The following DOCK3 variants were observed in gnomAD, a reference collection of about 807,000 sequenced individuals.
DOCK3 encodes dedicator of cytokinesis 3, also known as dedicator of cytokinesis protein 3.
In DOCK3, 60 loss-of-function variants were observed where a neutral mutation model predicts 265.6. That is an observed-to-expected ratio of 0.23 (90% CI 0.18 to 0.28). DOCK3 has a LOEUF of 0.28. Ranked by LOEUF, DOCK3 falls within the 10% of genes least tolerant of loss-of-function variation. The probability of loss-of-function intolerance (pLI) is 1.00; values close to 1 mark genes in which losing one functional copy is unlikely to be tolerated. For synonymous variants in DOCK3, 881 were observed against 938.0 expected (o/e 0.94, Z 1.11); for missense variants, 1,981 against 2,594.3 (o/e 0.76, Z 5.14).
rs1304470925 is a variant in DOCK3 at position 50,900,816 on chromosome 3, G to T, written c.218+10735G>T. 6 of 414,662 alleles carry T rather than the reference G, an allele frequency of 1.4e-5. No homozygotes were observed. In the Admixed American group the frequency reaches 1.7e-4, roughly 11 times the overall value. The allele number at this position is 414,662 out of a possible 1,614,324, so 25.7% of individuals were successfully genotyped here. On this transcript the variant is annotated intron_variant, in intron 4 of 52. Transcript: ENST00000266037. ...TGCCTGGGTATCACCAGCGGAGGCT[G>T]CAGAACAGCAAAGATTGCTGCCCTC...
chr3:50,816,175 C>T (rs1452711035), intron 2 of DOCK3, among the ~76,000 whole-genome samples: 1 of 152,052 alleles, frequency 6.6e-6, no homozygotes, highest in Non-Finnish European at 1.5e-5. Context: ...TTCATAATTT[C>T]ATCTAACAGG....
chr3:51,012,500 G>A (rs2078992748), intron 5 of DOCK3, among the ~76,000 whole-genome samples: 1 of 152,174 alleles, frequency 6.6e-6, no homozygotes, highest in Admixed American at 6.5e-5. Context: ...TTGGAAAAGT[G>A]CAGTATTAGG....
chr3:50,933,575 G>T (rs1043191397), intron 4 of DOCK3, among the ~76,000 whole-genome samples: 7 of 151,778 alleles, frequency 4.6e-5, no homozygotes, highest in African/African-American at 1.7e-4. Flanking sequence ...CATTTTTCCA[G>T]ATTTTTTTTT....
intron 4 of DOCK3, among the ~76,000 whole-genome samples, chr3:50,919,366 A>G (rs993796642): frequency 3.3e-5 from 5 of 152,114 alleles, no homozygotes; most frequent in African/African-American, 1.2e-4. Flanking sequence ...TTTTTACGAT[A>G]TGATTCTTCC....
At chr3:51,182,500 A>G (rs6772664) in intron 12 of DOCK3, among the ~76,000 whole-genome samples, 138,882 of 152,270 alleles carry the variant, frequency 0.91, 63,477 homozygotes, top group African/African-American at 0.96. Flanking sequence ...TCCTGCCATA[A>G]TCAGGTTCCC....
At chr3:50,986,099 T>C (rs530371792) in intron 5 of DOCK3, among the ~76,000 whole-genome samples, 1 of 152,280 alleles carries the variant, frequency 6.6e-6, no homozygotes, top group East Asian at 1.9e-4. Context: ...GTTGATTTGA[T>C]TCAGTTTCTA....
intron 5 of DOCK3, among the ~76,000 whole-genome samples, chr3:50,945,036 C>T (rs1011647728): frequency 7.9e-5 from 12 of 152,134 alleles, no homozygotes; most frequent in African/African-American, 2.4e-4. Context: ...TCAACTTAAA[C>T]ATGGCATTTT....
intron 13 of DOCK3, among the ~76,000 whole-genome samples, chr3:51,213,747 T>C (rs2089633185): frequency 6.6e-6 from 1 of 152,192 alleles, no homozygotes; most frequent in Non-Finnish European, 1.5e-5. Flanking sequence ...TGGTCATGTT[T>C]GTTTCTAGTC....
chr3:51,312,667 T>C, intron 30 of DOCK3, 91 bp downstream of exon 30: 1 of 1,351,126 alleles, frequency 7.4e-7, no homozygotes, highest in East Asian at 2.4e-5. Flanking sequence ...CACAAGGTTC[T>C]CAGCTGGGTG....
intron 1 of DOCK3, among the ~76,000 whole-genome samples, chr3:50,683,845 C>G (rs796307055): frequency 0.022 from 2,637 of 117,948 alleles, 180 homozygotes; most frequent in African/African-American, 0.082. Flanking sequence ...CTCCCCCCCC[C>G]CCACCCACTC....
At chr3:50,864,483 G>C (rs2047050448) in intron 3 of DOCK3, among the ~76,000 whole-genome samples, 1 of 152,084 alleles carries the variant, frequency 6.6e-6, no homozygotes, top group South Asian at 2.1e-4. Flanking sequence ...TGTTGCCTGT[G>C]ATTTTTCAGG....
chr3:50,757,370 C>T (rs2108356689), intron 1 of DOCK3, among the ~76,000 whole-genome samples: 1 of 151,842 alleles, frequency 6.6e-6, no homozygotes, highest in Middle Eastern at 3.4e-3. Flanking sequence ...CAGGATTTCA[C>T]CATGTTGGCC....
chr3:51,261,054 T>A (rs568015714), intron 23 of DOCK3, among the ~76,000 whole-genome samples: 20 of 152,138 alleles, frequency 1.3e-4, no homozygotes, highest in Non-Finnish European at 2.4e-4. Flanking sequence ...ATGAAATAAT[T>A]TGAAAAACAG....
chr3:50,901,031 A>C (rs1050963525), intron 4 of DOCK3: 1 of 343,872 alleles, frequency 2.9e-6, no homozygotes, highest in African/African-American at 2.2e-5. Flanking sequence ...CTCTCTTCAG[A>C]ACAGACAGGC....
intron 9 of DOCK3, among the ~76,000 whole-genome samples, chr3:51,113,643 A>G (rs7652655): frequency 0.9 from 137,213 of 152,266 alleles, 62,020 homozygotes; most frequent in African/African-American, 0.95. Flanking sequence ...CTGGACTCAC[A>G]TAGATGTCTC....
chr3:51,213,056 C>A (rs191311698), intron 13 of DOCK3, among the ~76,000 whole-genome samples: 11 of 152,194 alleles, frequency 7.2e-5, no homozygotes, highest in Admixed American at 5.2e-4. Flanking sequence ...CTCTCTTTAT[C>A]TACTTCTCCA....
intron 1 of DOCK3, among the ~76,000 whole-genome samples, chr3:50,762,531 T>G (rs564788292): frequency 1.3e-5 from 2 of 152,158 alleles, no homozygotes; most frequent in African/African-American, 4.8e-5. Context: ...TGAATTCTAC[T>G]TCTGGTAAGG....
intron 22 of DOCK3, among the ~76,000 whole-genome samples, chr3:51,250,013 C>CA (rs1416077654): frequency 6.6e-6 from 1 of 151,892 alleles, no homozygotes; most frequent in Non-Finnish European, 1.5e-5. Context: ...TGTGTCCACT[C>CA]AGAGTTAAAT....
chr3:51,030,414 C>T (rs1439508307), intron 5 of DOCK3, among the ~76,000 whole-genome samples: 2 of 152,134 alleles, frequency 1.3e-5, no homozygotes, highest in African/African-American at 2.4e-5. Context: ...ACCTTATCCC[C>T]TGGCTATTTG....
Sources: gnomAD v4.1 joint callset for allele counts (sites outside exome capture counted in the v4.1 genomes callset) on GRCh38, gnomAD v4.1.1 for gene constraint, MANE v1.5 for transcripts, NCBI Gene and HGNC (gene_info 2026-07-23, HGNC 2026-07-21) for gene names.